The following XIRP2 variants were observed in gnomAD, a reference collection of about 807,000 sequenced individuals.
XIRP2 encodes xin actin binding repeat containing 2.
In XIRP2, 236 loss-of-function variants were observed where a neutral mutation model predicts 277.0. The observed-to-expected ratio is 0.85, with a 90% confidence interval of 0.77 to 0.95. XIRP2 has a LOEUF of 0.95. Among genes scored for constraint, XIRP2 ranks in the 40% least tolerant of loss-of-function variants. The probability of loss-of-function intolerance (pLI) is 0.00; values close to 1 mark genes in which losing one functional copy is unlikely to be tolerated. For synonymous variants in XIRP2, 1,490 were observed against 1,416.5 expected (o/e 1.05, Z -1.17); for missense variants, 4,640 against 4,157.5 (o/e 1.12, Z -3.19).
At chr2:166,945,965 C>T (rs1186127800) in intron 2 of XIRP2, among the ~76,000 whole-genome samples, 1 of 152,020 alleles carries the variant, frequency 6.6e-6, no homozygotes, top group Admixed American at 6.6e-5. Context: ...TAGAATCAGA[C>T]AAAAACTGAA....
chr2:167,243,742 A>G lies in XIRP2; in HGVS notation c.2350A>G (p.Lys784Glu), dbSNP rs758579988. ...AACACAGCCGTTGGACACAATTAAC[A>G]AAGATATCACAGAAATTAAAGTTGT... The part of the protein sequence containing the change: ...FETQPLDTIN[K>E]DITEIKVVRG... The change falls in exon 9 of 11, where the codon AAA (lysine) becomes GAA (glutamate). Residue 784 changes from lysine to glutamate, a missense_variant. Lys to Glu is a moderately conservative substitution (Grantham distance 56). Transcript: ENST00000409195. 1 of 1,614,098 alleles carries G rather than the reference A, an allele frequency of 6.2e-7. No homozygotes were observed. The highest frequency in any genetic ancestry group is 8.5e-7 in the Non-Finnish European group (1 of 1,179,978).
chr2:166,988,804 A>G (rs1255283229), intron 2 of XIRP2, among the ~76,000 whole-genome samples: 4 of 44,940 alleles, frequency 8.9e-5, no homozygotes, highest in Non-Finnish European at 1.2e-4. Flanking sequence ...CACCTGGCTC[A>G]GAGGGTCCTA....
intron 2 of XIRP2, among the ~76,000 whole-genome samples, chr2:167,110,031 A>G (rs1470962445): frequency 6.6e-6 from 1 of 150,408 alleles, no homozygotes; most frequent in African/African-American, 2.4e-5. Flanking sequence ...TTTGATTTTT[A>G]CTTGTAAATT....
intron 2 of XIRP2, among the ~76,000 whole-genome samples, chr2:166,986,373 A>T (rs201816689): frequency 1.2e-4 from 19 of 152,332 alleles, no homozygotes; most frequent in East Asian, 1.2e-3. Context: ...ATTTTTACAA[A>T]GTGTTTTGAG....
intron 2 of XIRP2, among the ~76,000 whole-genome samples, chr2:166,936,277 A>T (rs1574093074): frequency 6.6e-6 from 1 of 151,940 alleles, no homozygotes. Context: ...TTTTCTTGTA[A>T]ATTTGTTTGA....
At chr2:166,978,650 C>A (rs2390510) in intron 2 of XIRP2, among the ~76,000 whole-genome samples, 79,894 of 151,986 alleles carry the variant, frequency 0.53, 23,033 homozygotes, top group East Asian at 0.82. Flanking sequence ...ATTGCTTCAT[C>A]ATGTTTATTT....
rs140869543 is a variant in XIRP2, at chr2:166,956,028, G to A, written c.408+52138G>A. ...AGGTTTGACTGAAATTTTACTGCCA[G>A]CATTATCTCTTTTCATTTATTTCAT... is the stretch of plus-strand genomic sequence containing the variant. On this transcript the variant is annotated intron_variant, in intron 2 of 10. Transcript: ENST00000409195. 4.4e-3 allele frequency among the ~76,000 whole-genome samples: 674 copies of A among 151,788 alleles called. 5 individuals are homozygous for A. Among genetic ancestry groups the A allele is most frequent in the African/African-American group, 0.015 (633 of 41,448 alleles).
chr2:167,233,048 C>T lies in XIRP2; in HGVS notation c.859-6807C>T, dbSNP rs753453911. 4.7e-4 allele frequency among the ~76,000 whole-genome samples: 72 copies of T among 151,980 alleles called. 1 individual carries two copies. Among genetic ancestry groups the T allele is most frequent in the Non-Finnish European group, 7.8e-4 (53 of 67,874 alleles). ...TATGATAGAAAATATAAATGAGGCT[C>T]ATTGGAACCCCAGGAAGTTGTGATA... On this transcript the variant is annotated intron_variant, in intron 5 of 10. Coordinates refer to ENST00000409195, the MANE Select transcript of XIRP2 (RefSeq NM_152381.6).
chr2:167,183,252 C>CA (rs1248385097), intron 3 of XIRP2, among the ~76,000 whole-genome samples: 1 of 152,126 alleles, frequency 6.6e-6, no homozygotes, highest in East Asian at 1.9e-4. Context: ...TACTAGAAGG[C>CA]AAAAGCAAGC....
intron 2 of XIRP2, among the ~76,000 whole-genome samples, chr2:166,922,848 C>T (rs1181312206): frequency 6.8e-6 from 1 of 146,454 alleles, no homozygotes; most frequent in Non-Finnish European, 1.5e-5. Flanking sequence ...AGAAAGGTAA[C>T]CAGGGGTGAT....
intron 2 of XIRP2, among the ~76,000 whole-genome samples, chr2:167,005,009 A>G (rs952745981): frequency 2.6e-5 from 4 of 151,896 alleles, no homozygotes; most frequent in African/African-American, 9.7e-5. Flanking sequence ...ATTTTTTTGT[A>G]GCAGACAGAT....
In XIRP2 at chr2:166,995,267, C is replaced by T. The variant is rs897371599; in HGVS notation, c.408+91377C>T. On this transcript the variant is annotated intron_variant, in intron 2 of 10. Coordinates refer to ENST00000409195, the MANE Select transcript of XIRP2 (RefSeq NM_152381.6). ...GTACATTGTAGAAATAGCCATCTGGCATTTGGATATATGCTTTGTTGCGTG... is the reference window on the plus strand; with the variant it reads ...GTACATTGTAGAAATAGCCATCTGGTATTTGGATATATGCTTTGTTGCGTG... Among the ~76,000 whole-genome samples the T allele has an allele frequency of 3.3e-5, 5 of 152,196 alleles. No homozygotes were observed. In the East Asian group the frequency reaches 9.6e-4, roughly 29 times the overall value.
rs1302804528 is a variant in XIRP2 at position 167,211,017 on chromosome 2, A to T, written c.723+122A>T. On this transcript the variant is annotated intron_variant, in intron 4 of 10. Coordinates refer to ENST00000409195, the MANE Select transcript of XIRP2 (RefSeq NM_152381.6). ...GGGCTAAAGTAGAAAGAGCACAAAA[A>T]TAGTGTGTGAAATAAATCCAGACTA... 4 of 1,220,110 alleles carry T rather than the reference A, an allele frequency of 3.3e-6. No homozygotes were observed. The African/African-American group carries it at 4.6e-5, about 14-fold the overall frequency. 75.6% of individuals were successfully genotyped at this position (1,220,110 alleles called of 1,614,324 possible).
At chr2:166,955,461 A>AG (rs1318037344) in intron 2 of XIRP2, among the ~76,000 whole-genome samples, 1 of 151,906 alleles carries the variant, frequency 6.6e-6, no homozygotes, top group Non-Finnish European at 1.5e-5. Flanking sequence ...TGAAGGATTG[A>AG]GGGGGGTGAG....
intron 4 of XIRP2, among the ~76,000 whole-genome samples, chr2:167,216,008 C>T (rs529349322): frequency 6.6e-6 from 1 of 150,404 alleles, no homozygotes; most frequent in Non-Finnish European, 1.5e-5. Context: ...CTTTGACAAA[C>T]CTGAGAAAAA....
chr2:166,978,226 C>T (rs1389480770), intron 2 of XIRP2, among the ~76,000 whole-genome samples: 1 of 152,038 alleles, frequency 6.6e-6, no homozygotes, highest in Non-Finnish European at 1.5e-5. Flanking sequence ...TATTCTGTTT[C>T]ACTAATCTAT....
Position 167,258,598 on chromosome 2 carries a change from AG to A in XIRP2, c.*782del. 6.2e-7 allele frequency: 1 copy of A among 1,613,200 alleles called. No homozygotes were observed. The highest frequency in any genetic ancestry group is 8.5e-7 in the Non-Finnish European group (1 of 1,179,590). ...AAACTAACCAAACTAATGGTGCAGA[AG>A]TTTTACAGGTTACTAACACTGATGA... On this transcript the variant is annotated 3_prime_UTR_variant, in exon 11 of 11. Coordinates refer to ENST00000409195, the MANE Select transcript of XIRP2 (RefSeq NM_152381.6).
chr2:166,937,958 T>G (rs1315886154), intron 2 of XIRP2, among the ~76,000 whole-genome samples: 4 of 152,218 alleles, frequency 2.6e-5, no homozygotes, highest in Non-Finnish European at 2.9e-5. Flanking sequence ...TTATCATTTT[T>G]TATTGGGTCT....
In XIRP2 at chr2:167,253,909, A is replaced by T. The variant is rs546482842; in HGVS notation, c.10556-123A>T. ...CTGTCCAGAGAAACATCATAAGGAC[A>T]GTAGTCTTAGAGCTTTTCTACTTTA... On this transcript the variant is annotated intron_variant, in intron 9 of 10. Coordinates refer to ENST00000409195, the MANE Select transcript of XIRP2 (RefSeq NM_152381.6). The T allele has an allele frequency of 7.4e-4, 814 of 1,095,158 alleles. 1 individual carries two copies. The highest frequency in any genetic ancestry group is 9.7e-4 in the Non-Finnish European group (758 of 779,922). The allele number at this position is 1,095,158 out of a possible 1,614,324, so 67.8% of individuals were successfully genotyped here.
Sources: allele counts gnomAD v4.1 joint callset (sites outside exome capture counted in the v4.1 genomes callset), GRCh38; gene constraint gnomAD v4.1.1; transcripts MANE v1.5; gene names NCBI Gene and HGNC (gene_info 2026-07-23, HGNC 2026-07-21).